ANKRD12: variants seen among roughly 807,000 people sequenced by gnomAD.
ANKRD12 encodes the protein ankyrin repeat domain 12, also known as ankyrin repeat domain-containing protein 12.
A neutral mutation model predicts 183.4 loss-of-function variants in ANKRD12; 85 were observed. That is an observed-to-expected ratio of 0.46 (90% CI 0.39 to 0.56). The LOEUF (loss-of-function observed/expected upper bound fraction) is 0.56, where lower values mean the gene tolerates loss of function less well. Among genes scored for constraint, ANKRD12 ranks in the 20% least tolerant of loss-of-function variants. ANKRD12 has a pLI of 0.00. For synonymous variants in ANKRD12, 914 were observed against 800.2 expected (o/e 1.14, Z -2.40); for missense variants, 2,405 against 2,357.1 (o/e 1.02, Z -0.42).
intron 8 of ANKRD12, among the ~76,000 whole-genome samples, chr18:9,240,692 A>G (rs536920370): frequency 1.3e-5 from 2 of 152,320 alleles, no homozygotes; most frequent in South Asian, 2.1e-4. Flanking sequence ...AGTGGCTCCT[A>G]TAAATGCTCC....
chr18:9,194,973 A>G (rs1311514595), intron 2 of ANKRD12, among the ~76,000 whole-genome samples: 2 of 152,242 alleles, frequency 1.3e-5, no homozygotes, highest in African/African-American at 4.8e-5. Context: ...AAAATGTGGT[A>G]TATACACACC....
At chr18:9,142,811 G>A (rs1277176608) in intron 1 of ANKRD12, among the ~76,000 whole-genome samples, 1 of 152,144 alleles carries the variant, frequency 6.6e-6, no homozygotes, top group Non-Finnish European at 1.5e-5. Flanking sequence ...TTGAACCCAG[G>A]AGGTGGAGGT....
chr18:9,176,446 A>G (rs1371288162), intron 1 of ANKRD12, among the ~76,000 whole-genome samples: 2 of 151,606 alleles, frequency 1.3e-5, no homozygotes, highest in African/African-American at 4.8e-5. Context: ...ACATACCACC[A>G]TGGCCAGCTA....
intron 8 of ANKRD12, chr18:9,235,746 G>T: frequency 2.2e-6 from 1 of 453,028 alleles, no homozygotes; most frequent in Non-Finnish European, 4.4e-6. Context: ...AAACAGCCTT[G>T]GTTCTTTAAC....
chr18:9,228,635 T>C (rs561937678), intron 8 of ANKRD12, among the ~76,000 whole-genome samples: 1 of 152,196 alleles, frequency 6.6e-6, no homozygotes, highest in South Asian at 2.1e-4. Flanking sequence ...TTCCAAGTCC[T>C]TTGCCCATTT....
chr18:9,168,209 G>A (rs1365489382), intron 1 of ANKRD12, among the ~76,000 whole-genome samples: 1 of 152,104 alleles, frequency 6.6e-6, no homozygotes, highest in African/African-American at 2.4e-5. Flanking sequence ...GCCAGGCTTT[G>A]GTATCAGGAT....
rs1181808326 is a variant in ANKRD12, at chr18:9,254,625, A to T, written c.1358A>T (p.Asp453Val). 1 of 1,584,166 alleles carries T rather than the reference A, an allele frequency of 6.3e-7. No individual in the cohort carries two copies. Among genetic ancestry groups the T allele is most frequent in the Non-Finnish European group, 8.6e-7 (1 of 1,168,752 alleles). Residue 453 changes from aspartate to valine, a missense_variant, in exon 9 of 13, where the codon GAT becomes GTT. By Grantham distance (152) the Asp-to-Val change is radical (BLOSUM62 -3). Around this residue, in one of 7 missense-constraint regions of ANKRD12, gnomAD observed 1,983 missense variants for 1,725.9 expected, o/e 1.15. Transcript: ENST00000262126. ...GTCATCCCTGAAACATCAAATTCTG[A>T]TATGCAAACCAAAAAGGAATATGTA... ...CSVIPETSNS[D>V]MQTKKEYVVS...
chr18:9,258,958 A>C, intron 9 of ANKRD12, 27 bp downstream of exon 9: 1 of 1,557,430 alleles, frequency 6.4e-7, no homozygotes, highest in Non-Finnish European at 8.7e-7. Flanking sequence ...CTTGCTATAC[A>C]CCTGTAACAC....
intron 2 of ANKRD12, among the ~76,000 whole-genome samples, chr18:9,184,897 T>C (rs1353285565): frequency 6.6e-6 from 1 of 152,158 alleles, no homozygotes; most frequent in Non-Finnish European, 1.5e-5. Context: ...CCTCAGTTGA[T>C]CTCACGGACT....
In ANKRD12 at chr18:9,258,177, T is replaced by A. The variant is rs752915547; in HGVS notation, c.4910T>A (p.Leu1637Gln). 1.2e-6 allele frequency: 2 copies of A among 1,613,856 alleles called. No individual in the cohort carries two copies. Among genetic ancestry groups the A allele is most frequent in the Non-Finnish European group, 8.5e-7 (1 of 1,179,946 alleles). Residue 1637 changes from leucine to glutamine, a missense_variant, in exon 9 of 13, where the codon CTG (leucine) becomes CAG (glutamine). Coordinates refer to ENST00000262126, the MANE Select transcript of ANKRD12 (RefSeq NM_015208.5). ...ATTTCACATGAAAAAGAAAACAAAC[T>A]GGAGAGTTTGGTTTTAACTCATTTG... ...QVISHEKENK[L>Q]ESLVLTHLSR...
chr18:9,195,279 T>C (rs1208298909), intron 2 of ANKRD12, among the ~76,000 whole-genome samples: 2 of 152,056 alleles, frequency 1.3e-5, no homozygotes, highest in Non-Finnish European at 2.9e-5. Flanking sequence ...CAAACCCCAG[T>C]GATATGCAAT....
chr18:9,219,872 A>G (rs2036320428), intron 7 of ANKRD12, among the ~76,000 whole-genome samples: 1 of 152,106 alleles, frequency 6.6e-6, no homozygotes, highest in Non-Finnish European at 1.5e-5. Flanking sequence ...TCCTCTCCCC[A>G]GTCTTACACA....
intron 10 of ANKRD12, among the ~76,000 whole-genome samples, chr18:9,269,660 A>G (rs77911923): frequency 0.53 from 80,928 of 152,070 alleles, 23,649 homozygotes; most frequent in South Asian, 0.75. Flanking sequence ...CTAAAACCAT[A>G]AACACCCTAG....
chr18:9,258,440 G>T lies in ANKRD12; in HGVS notation c.5173G>T (p.Asp1725Tyr), dbSNP rs200730371. 4.3e-6 allele frequency: 7 copies of T among 1,613,754 alleles called. No individual in the cohort carries two copies. The East Asian group carries it at 1.6e-4, about 36-fold the overall frequency. The change falls in exon 9 of 13, where the codon GAT becomes TAT. Residue 1725 changes from aspartate to tyrosine, a missense_variant. Physicochemically the swap from Asp to Tyr is radical, Grantham distance 160. This residue lies in a region of ANKRD12 where 1,983 missense variants were observed against 1,725.9 expected (regional missense o/e 1.15). Transcript: ENST00000262126. ...KVELEENAED[D>Y]KTENQIPQRM... ...AGAATTAGAAGAAAATGCCGAAGAT[G>T]ATAAAACTGAAAACCAAATCCCTCA...
chr18:9,261,043 A>G (rs2038935694), intron 9 of ANKRD12, among the ~76,000 whole-genome samples: 2 of 151,914 alleles, frequency 1.3e-5, no homozygotes, highest in African/African-American at 4.8e-5. Flanking sequence ...CTTCTTGTTT[A>G]TGTTTATTGG....
intron 8 of ANKRD12, among the ~76,000 whole-genome samples, chr18:9,228,576 C>T (rs2155707): frequency 0.59 from 90,169 of 151,918 alleles, 27,679 homozygotes; most frequent in South Asian, 0.75. Flanking sequence ...TTAGTGATGT[C>T]GAGAATTTTT....
intron 3 of ANKRD12, chr18:9,200,396 A>C (rs1189429206): frequency 6.6e-6 from 1 of 152,214 alleles, no homozygotes; most frequent in African/African-American, 2.4e-5. Flanking sequence ...GTATACAGTG[A>C]CCCATTGAAC....
At chr18:9,241,013 G>A (rs1455098710) in intron 8 of ANKRD12, among the ~76,000 whole-genome samples, 1 of 152,028 alleles carries the variant, frequency 6.6e-6, no homozygotes, top group African/African-American at 2.4e-5. Context: ...ACTTACAATG[G>A]AGTTCTAATA....
rs1466836432 is a variant in ANKRD12 at position 9,282,090 on chromosome 18, G to A, written c.*964G>A. ...CCCCAGGAAAAAAATAAATGCCTTT[G>A]AATGAAAATTCTGAAATTGTAAATG... On this transcript the variant is annotated 3_prime_UTR_variant, in exon 13 of 13. Transcript: ENST00000262126. The A allele has an allele frequency of 6.6e-6, 1 of 152,480 alleles. No individual in the cohort carries two copies. Among genetic ancestry groups the A allele is most frequent in the Non-Finnish European group, 1.5e-5 (1 of 67,972 alleles). The allele number at this position is 152,480 out of a possible 1,614,324, so 9.4% of individuals were successfully genotyped here.
Sources: allele counts gnomAD v4.1 joint callset (sites outside exome capture counted in the v4.1 genomes callset), GRCh38; gene constraint gnomAD v4.1.1; regional missense constraint gnomAD v4.1.1; transcripts MANE v1.5; gene names NCBI Gene and HGNC (gene_info 2026-07-23, HGNC 2026-07-21).